The following BIRC2 variants were observed in gnomAD, a reference collection of about 807,000 sequenced individuals.
BIRC2 encodes baculoviral IAP repeat containing 2, also known as baculoviral IAP repeat-containing protein 2.
In BIRC2, 18 loss-of-function variants were observed where a neutral mutation model predicts 60.9. That is an observed-to-expected ratio of 0.30 (90% CI 0.20 to 0.44). BIRC2 has a LOEUF of 0.44. BIRC2 is among the 20% of genes least tolerant of loss of function. BIRC2 has a pLI of 1.00. For missense variants in BIRC2, 701 were observed against 728.5 expected, an observed-to-expected ratio of 0.96 and a Z score of 0.43; for synonymous variants, 282 against 247.7, an observed-to-expected ratio of 1.14 and a Z score of -1.30.
At chr11:102,369,514 A>G (rs1951598950) in intron 6 of BIRC2, among the ~76,000 whole-genome samples, 1 of 150,000 alleles carries the variant, frequency 6.7e-6, no homozygotes, top group Admixed American at 6.6e-5. Context: ...TTATGGCTGC[A>G]TAGTATTCCA....
At chr11:102,352,741 A>G (rs1346739345) in intron 3 of BIRC2, among the ~76,000 whole-genome samples, 2 of 152,042 alleles carry the variant, frequency 1.3e-5, no homozygotes, top group African/African-American at 4.8e-5. Flanking sequence ...GCACCATTCT[A>G]TTTCTGTCTC....
chr11:102,369,626 C>A (rs1324065972), intron 6 of BIRC2, among the ~76,000 whole-genome samples: 7 of 144,748 alleles, frequency 4.8e-5, no homozygotes, highest in African/African-American at 1.5e-4. Context: ...AATAAACATA[C>A]GTGTGCATGT....
intron 6 of BIRC2, among the ~76,000 whole-genome samples, chr11:102,373,458 T>A (rs1450429715): frequency 6.6e-6 from 1 of 151,518 alleles, no homozygotes; most frequent in Non-Finnish European, 1.5e-5. Context: ...AAATTCTGGG[T>A]TGAAAATTCT....
intron 5 of BIRC2, among the ~76,000 whole-genome samples, chr11:102,364,342 T>A (rs926370151): frequency 5.9e-5 from 9 of 151,374 alleles, no homozygotes; most frequent in Admixed American, 1.3e-4. Flanking sequence ...CAAAAAATAG[T>A]TCAAAGCAAT....
intron 6 of BIRC2, among the ~76,000 whole-genome samples, chr11:102,372,156 GTC>G (rs1341051185): frequency 2.0e-5 from 3 of 151,972 alleles, no homozygotes; most frequent in Non-Finnish European, 2.9e-5. Context: ...GTTTTTTTGT[GTC>G]TCTATTTCCT....
chr11:102,361,810 C>G (rs1428430611), intron 3 of BIRC2, among the ~76,000 whole-genome samples: 2 of 151,554 alleles, frequency 1.3e-5, no homozygotes, highest in Non-Finnish European at 2.9e-5. Flanking sequence ...AGCAGATCTC[C>G]CAGCAGTCCT....
chr11:102,375,127 G>C (rs10895293), intron 6 of BIRC2, among the ~76,000 whole-genome samples: 8,532 of 152,228 alleles, frequency 0.056, 269 homozygotes, highest in Non-Finnish European at 0.069. Flanking sequence ...CACCCGTCTT[G>C]TGCGTCGCTC....
chr11:102,357,558 T>C (rs913657453), intron 3 of BIRC2, among the ~76,000 whole-genome samples: 3 of 152,212 alleles, frequency 2.0e-5, no homozygotes, highest in Non-Finnish European at 2.9e-5. Flanking sequence ...CCATTTCTTC[T>C]AGGTTATACA....
intron 5 of BIRC2, among the ~76,000 whole-genome samples, chr11:102,365,618 A>G (rs757501037): frequency 5.3e-5 from 8 of 152,194 alleles, no homozygotes; most frequent in Non-Finnish European, 8.8e-5. Flanking sequence ...TTTGTCACCC[A>G]GGCTGTAGTG....
rs1357000554 is a variant in BIRC2, at chr11:102,349,785, A to G, written c.-70A>G. The G allele has an allele frequency of 1.4e-6, 2 of 1,445,950 alleles. No homozygotes were observed. Among genetic ancestry groups the G allele is most frequent in the African/African-American group, 2.9e-5 (2 of 70,084 alleles). The allele number at this position is 1,445,950 out of a possible 1,614,324, so 89.6% of individuals were successfully genotyped here. On this transcript the variant is annotated 5_prime_UTR_variant, in exon 2 of 9. Transcript: ENST00000227758. ...TCTATCATTGATTTCTTTTTGTGGT[A>G]AAAATCTTAGTTCATGTGAAGAAAT...
At chr11:102,369,935 A>G (rs1260705856) in intron 6 of BIRC2, among the ~76,000 whole-genome samples, 2 of 151,210 alleles carry the variant, frequency 1.3e-5, no homozygotes, top group Admixed American at 6.6e-5. Flanking sequence ...GCATTTTTTC[A>G]TGTGTTTTTT....
At chr11:102,365,592 T>G (rs1188326385) in intron 5 of BIRC2, among the ~76,000 whole-genome samples, 1 of 152,200 alleles carries the variant, frequency 6.6e-6, no homozygotes, top group Non-Finnish European at 1.5e-5. Flanking sequence ...TTTCTTTTTG[T>G]GAAACAAGGT....
chr11:102,349,797 T>A lies in BIRC2; in HGVS notation c.-58T>A. On this transcript the variant is annotated 5_prime_UTR_variant, in exon 2 of 9. Transcript: ENST00000227758. ...TTCTTTTTGTGGTAAAAATCTTAGT[T>A]CATGTGAAGAAATTTCATGTGAATG... is the stretch of plus-strand genomic sequence containing the variant. 1 of 1,489,806 alleles carries A rather than the reference T, an allele frequency of 6.7e-7. No homozygotes were observed. The allele number at this position is 1,489,806 out of a possible 1,614,324, so 92.3% of individuals were successfully genotyped here.
intron 6 of BIRC2, 97 bp downstream of exon 6, chr11:102,368,645 A>G: frequency 6.7e-7 from 1 of 1,490,058 alleles, no homozygotes; most frequent in African/African-American, 1.4e-5. Flanking sequence ...ACATCCACTA[A>G]CTGCTGGTAG....
intron 3 of BIRC2, among the ~76,000 whole-genome samples, chr11:102,351,737 C>T (rs183889594): frequency 2.3e-4 from 34 of 150,226 alleles, no homozygotes; most frequent in Non-Finnish European, 3.7e-4. Flanking sequence ...CACTTTGTCT[C>T]TAGCAGTGTC....
rs375296936 is a variant in BIRC2, at chr11:102,350,099, A to G, written c.245A>G (p.Lys82Arg). The G allele has an allele frequency of 5.5e-5, 88 of 1,614,076 alleles. No homozygotes were observed. Among genetic ancestry groups the G allele is most frequent in the African/African-American group, 3.3e-4 (25 of 74,924 alleles). ...FYYTGVNDKV[K>R]CFCCGLMLDN... ...TATACTGGTGTGAATGACAAGGTCA[A>G]ATGCTTCTGTTGTGGCCTGATGCTG... is the stretch of plus-strand genomic sequence containing the variant. Residue 82 changes from lysine (K) to arginine (R), a missense_variant, in exon 2 of 9, where the codon AAA becomes AGA. Lys to Arg is a conservative substitution (Grantham distance 26). Around this residue, in one of 4 missense-constraint regions of BIRC2, gnomAD observed 375 missense variants for 365.9 expected, o/e 1.02. Coordinates refer to ENST00000227758, the MANE Select transcript of BIRC2 (RefSeq NM_001166.5).
chr11:102,364,186 CAGAGAGAGAG>C (rs56992401), intron 5 of BIRC2, among the ~76,000 whole-genome samples: 225 of 99,760 alleles, frequency 2.3e-3, no homozygotes, highest in Non-Finnish European at 3.0e-3. Flanking sequence ...CACACACACA[CAGAGAGAGAG>C]AGAGAGAGAG....
At position 102,378,252 on chromosome 11, in the gene BIRC2, C is replaced by A; in HGVS notation, c.*69C>A. The A allele has an allele frequency of 8.2e-7, 1 of 1,222,980 alleles. No individual in the cohort carries two copies. The highest frequency in any genetic ancestry group is 1.1e-6 in the Non-Finnish European group (1 of 916,058). The allele number at this position is 1,222,980 out of a possible 1,614,324, so 75.8% of individuals were successfully genotyped here. ...AATATTGTTGAACACTTGAAGCCAT[C>A]TAAAGTAAAAAGGGAATTATGAGTT... On this transcript the variant is annotated 3_prime_UTR_variant, in exon 9 of 9. Transcript: ENST00000227758.
At chr11:102,362,765 G>A in intron 3 of BIRC2, 131 bp from the exon 4 acceptor site, 3 of 639,288 alleles carry the variant, frequency 4.7e-6, no homozygotes. Flanking sequence ...ATATGTATGT[G>A]TTCTGGGTTG....
Sources: gnomAD v4.1 joint callset for allele counts (sites outside exome capture counted in the v4.1 genomes callset) on GRCh38, gnomAD v4.1.1 for gene constraint, gnomAD v4.1.1 regional missense constraint, MANE v1.5 for transcripts, NCBI Gene and HGNC (gene_info 2026-07-23, HGNC 2026-07-21) for gene names.